THSD7B: variants seen among roughly 807,000 people sequenced by gnomAD.
The protein encoded by THSD7B is thrombospondin type-1 domain-containing protein 7B.
A neutral mutation model predicts 213.6 loss-of-function variants in THSD7B; 138 were observed. The observed-to-expected ratio is 0.65, with a 90% confidence interval of 0.56 to 0.74. The LOEUF (loss-of-function observed/expected upper bound fraction) is 0.74. Ranked by LOEUF, THSD7B falls within the 30% of genes least tolerant of loss-of-function variation. THSD7B has a pLI of 0.00. For synonymous variants in THSD7B, 742 were observed against 687.0 expected (o/e 1.08, Z -1.25); for missense variants, 1,931 against 1,991.5 (o/e 0.97, Z 0.58).
intron 2 of THSD7B, among the ~76,000 whole-genome samples, chr2:136,903,687 G>T (rs1684099801): frequency 6.6e-6 from 1 of 152,146 alleles, no homozygotes; most frequent in Non-Finnish European, 1.5e-5. Context: ...CAGATGGAAG[G>T]ATGCCAGCCT....
At chr2:137,365,248 G>C (rs571984248) in intron 12 of THSD7B, among the ~76,000 whole-genome samples, 15 of 152,280 alleles carry the variant, frequency 9.9e-5, no homozygotes, top group African/African-American at 3.6e-4. Context: ...ATTCAAGATG[G>C]ATTAAAGACT....
Position 137,398,644 on chromosome 2 carries a change from G to A in THSD7B, c.2501-6969G>A, listed in dbSNP as rs559490647. 1.3e-3 allele frequency among the ~76,000 whole-genome samples: 191 copies of A among 152,154 alleles called. 1 individual carries two copies. The highest frequency in any genetic ancestry group is 4.3e-3 in the African/African-American group (177 of 41,546). ...TTGTCTGTGCCCTGCCCCCAGAGGT[G>A]GAGCCTACAGAGGCAGGCAGGCCTC... On this transcript the variant is annotated intron_variant, in intron 12 of 27. Coordinates refer to ENST00000409968, the MANE Select transcript of THSD7B (RefSeq NM_001316349.2).
intron 1 of THSD7B, among the ~76,000 whole-genome samples, chr2:136,828,995 C>G (rs1302810529): frequency 6.6e-6 from 1 of 152,174 alleles, no homozygotes; most frequent in Non-Finnish European, 1.5e-5. Flanking sequence ...CCTATTTCTT[C>G]TATGAACTCT....
chr2:136,944,055 G>T (rs1316507959), intron 2 of THSD7B, among the ~76,000 whole-genome samples: 1 of 152,138 alleles, frequency 6.6e-6, no homozygotes, highest in East Asian at 1.9e-4. Flanking sequence ...TGCTTTAAAT[G>T]TGTCTCTGAG....
chr2:137,462,878 A>G (rs1424497929), intron 15 of THSD7B, among the ~76,000 whole-genome samples: 8 of 152,006 alleles, frequency 5.3e-5, no homozygotes, highest in Admixed American at 5.3e-4. Context: ...CAAATTCTCA[A>G]CTTAATAAGG....
intron 12 of THSD7B, among the ~76,000 whole-genome samples, chr2:137,346,408 A>G (rs886696992): frequency 8.6e-5 from 13 of 151,518 alleles, no homozygotes; most frequent in Non-Finnish European, 1.9e-4. Flanking sequence ...AACATATGAC[A>G]GGATTTTCTT....
intron 17 of THSD7B, among the ~76,000 whole-genome samples, chr2:137,594,497 G>T (rs1573732270): frequency 6.6e-6 from 1 of 151,886 alleles, no homozygotes; most frequent in East Asian, 1.9e-4. Flanking sequence ...AAATTGCATT[G>T]TTGCCTTTGT....
intron 15 of THSD7B, among the ~76,000 whole-genome samples, chr2:137,549,270 T>A (rs933375649): frequency 1.3e-5 from 2 of 151,388 alleles, no homozygotes; most frequent in Admixed American, 1.3e-4. Flanking sequence ...GAACCTTTGC[T>A]GCCTGCCAGA....
chr2:137,001,314 C>T (rs575706653), intron 2 of THSD7B, among the ~76,000 whole-genome samples: 1 of 152,218 alleles, frequency 6.6e-6, no homozygotes, highest in South Asian at 2.1e-4. Flanking sequence ...TATAAACAGA[C>T]TAAAATCACA....
intron 22 of THSD7B, among the ~76,000 whole-genome samples, chr2:137,656,498 C>G (rs1470760999): frequency 2.6e-5 from 4 of 152,106 alleles, no homozygotes; most frequent in Non-Finnish European, 5.9e-5. Context: ...TTATATCTCT[C>G]TTTTAAAAGT....
intron 12 of THSD7B, among the ~76,000 whole-genome samples, chr2:137,278,833 T>A (rs1682933064): frequency 6.6e-6 from 1 of 152,020 alleles, no homozygotes; most frequent in African/African-American, 2.4e-5. Flanking sequence ...CATAGAAACG[T>A]TTGCAAATAA....
chr2:137,378,602 C>A (rs554637744), intron 12 of THSD7B, among the ~76,000 whole-genome samples: 43 of 152,172 alleles, frequency 2.8e-4, no homozygotes, highest in Non-Finnish European at 5.1e-4. Context: ...TAACACTTTT[C>A]TTTCTTCCTT....
At chr2:136,903,141 C>T (rs1427032163) in intron 2 of THSD7B, among the ~76,000 whole-genome samples, 1 of 146,040 alleles carries the variant, frequency 6.8e-6, no homozygotes, top group Non-Finnish European at 1.5e-5. Flanking sequence ...AGGTTATTGA[C>T]AGCTACCCCA....
chr2:137,575,938 A>G (rs1033545741), intron 17 of THSD7B, among the ~76,000 whole-genome samples: 1 of 151,950 alleles, frequency 6.6e-6, no homozygotes, highest in African/African-American at 2.4e-5. Flanking sequence ...CTTACCACCC[A>G]ATGTTCTCTT....
intron 12 of THSD7B, among the ~76,000 whole-genome samples, chr2:137,343,252 C>T (rs369977962): frequency 6.6e-6 from 1 of 151,520 alleles, no homozygotes. Context: ...GTGAAGACAT[C>T]AGGTCCTTGG....
intron 12 of THSD7B, among the ~76,000 whole-genome samples, chr2:137,358,341 A>C (rs962561057): frequency 6.6e-6 from 1 of 152,146 alleles, no homozygotes; most frequent in Non-Finnish European, 1.5e-5. Context: ...AACTGACCTT[A>C]CAGTCTCATG....
intron 12 of THSD7B, among the ~76,000 whole-genome samples, chr2:137,278,543 C>T (rs1165542299): frequency 1.3e-5 from 2 of 152,080 alleles, no homozygotes; most frequent in African/African-American, 2.4e-5. Context: ...AGAGTATATG[C>T]CTCATCAAAG....
chr2:136,889,846 T>C (rs922894497), intron 2 of THSD7B, among the ~76,000 whole-genome samples: 1 of 152,216 alleles, frequency 6.6e-6, no homozygotes, highest in African/African-American at 2.4e-5. Flanking sequence ...AATCCCTTGT[T>C]TCCTGTTCTG....
Position 137,676,920 on chromosome 2 carries a change from T to G in THSD7B, c.*315T>G, listed in dbSNP as rs547158683. On this transcript the variant is annotated 3_prime_UTR_variant, in exon 28 of 28. Coordinates refer to ENST00000409968, the MANE Select transcript of THSD7B (RefSeq NM_001316349.2). ...GGAATTCCCACAGACTTGAGTAAACTTGATCTTCAGCAGCATAATGACAAT... is the reference window on the plus strand; with the variant it reads ...GGAATTCCCACAGACTTGAGTAAACGTGATCTTCAGCAGCATAATGACAAT... 4.3e-6 allele frequency: 1 copy of G among 232,726 alleles called. No individual in the cohort carries two copies. Among genetic ancestry groups the G allele is most frequent in the South Asian group, 1.0e-4 (1 of 9,570 alleles). The allele number at this position is 232,726 out of a possible 1,614,324, so 14.4% of individuals were successfully genotyped here.
Sources: allele counts gnomAD v4.1 joint callset (sites outside exome capture counted in the v4.1 genomes callset), GRCh38; gene constraint gnomAD v4.1.1; transcripts MANE v1.5; gene names NCBI Gene and HGNC (gene_info 2026-07-23, HGNC 2026-07-21).